CD53: variants seen among roughly 807,000 people sequenced by gnomAD.
CD53 encodes leukocyte surface antigen CD53.
In CD53, 20 loss-of-function variants were observed where a neutral mutation model predicts 27.3. That is an observed-to-expected ratio of 0.73 (90% CI 0.52 to 1.07). The LOEUF is 1.07. Ranked by LOEUF, CD53 falls within the 50% of genes least tolerant of loss-of-function variation. CD53 has a pLI of 0.00. For synonymous variants in CD53, 106 were observed against 105.3 expected (o/e 1.01, Z -0.04); for missense variants, 216 against 264.0 (o/e 0.82, Z 1.26).
At position 110,897,858 on chromosome 1, in the gene CD53, T is replaced by A. The variant is rs776931112; in HGVS notation, c.554T>A (p.Ile185Asn). Reference sequence around the variant, plus strand: ...TGGTTTCATTCCAATTTCCTGTATATCGGAATCATCACCATCTGTGTATGT... The same window carrying A: ...TGGTTTCATTCCAATTTCCTGTATAACGGAATCATCACCATCTGTGTATGT... ...RLWFHSNFLY[I>N]GIITICVCVI... is the part of the protein sequence containing the mutation. The change falls in exon 7 of 8, where the codon ATC (isoleucine) becomes AAC (asparagine). Residue 185 changes from isoleucine (I) to asparagine (N), a missense_variant. Physicochemically the swap from Ile to Asn is moderately radical, Grantham distance 149. Coordinates refer to ENST00000271324, the MANE Select transcript of CD53 (RefSeq NM_000560.4). 6.2e-7 allele frequency: 1 copy of A among 1,612,020 alleles called. No homozygotes were observed. The highest frequency in any genetic ancestry group is 1.1e-5 in the South Asian group (1 of 90,992).
At chr1:110,884,533 C>G (rs923081780) in intron 1 of CD53, among the ~76,000 whole-genome samples, 13 of 152,192 alleles carry the variant, frequency 8.5e-5, no homozygotes, top group South Asian at 2.1e-4. Flanking sequence ...TCTACTGATT[C>G]CATCAACTAT....
At chr1:110,878,022 C>A (rs1656195265) in intron 1 of CD53, among the ~76,000 whole-genome samples, 2 of 152,190 alleles carry the variant, frequency 1.3e-5, no homozygotes, top group South Asian at 4.1e-4. Flanking sequence ...GTGGAAAGAG[C>A]ATGGGCTTTG....
rs201267665 is a variant in CD53 at position 110,891,494 on chromosome 1, C to T, written c.63+23C>T. The T allele has an allele frequency of 1.5e-4, 235 of 1,585,440 alleles. 1 individual carries two copies. Among genetic ancestry groups the T allele is most frequent in the East Asian group, 9.4e-4 (42 of 44,722 alleles). On this transcript the variant is annotated intron_variant, in intron 2 of 7. Transcript: ENST00000271324. ...TGGGTAAGTGTATCTCTTCTGAGCA[C>T]GGTTTAGCTCACCTTTACCCAGCTA...
intron 1 of CD53, among the ~76,000 whole-genome samples, chr1:110,888,560 G>A (rs1345295688): frequency 1.3e-5 from 2 of 152,094 alleles, no homozygotes; most frequent in African/African-American, 4.8e-5. Flanking sequence ...TCAGGTGAGG[G>A]GGTAAATCTG....
At chr1:110,874,701 A>T (rs1465212446) in intron 1 of CD53, among the ~76,000 whole-genome samples, 1 of 152,246 alleles carries the variant, frequency 6.6e-6, no homozygotes, top group East Asian at 1.9e-4. Context: ...GTACCTTTAT[A>T]TTCATGAGGA....
Position 110,899,599 on chromosome 1 carries a change from A to T in CD53, c.*404A>T, listed in dbSNP as rs547151309. On this transcript the variant is annotated 3_prime_UTR_variant, in exon 8 of 8. Transcript: ENST00000271324. The stretch of plus-strand genomic sequence containing the variant: ...TCTCCCCAAAGTCAAGCAAGAGACT[A>T]GTTGAAGGGAGTTCTGGGGCCAGGC... 122 of 173,280 alleles carry T rather than the reference A, an allele frequency of 7.0e-4. No homozygotes were observed. The highest frequency in any genetic ancestry group is 2.9e-3 in the African/African-American group (120 of 41,774). 10.7% of individuals were successfully genotyped at this position (173,280 alleles called of 1,614,324 possible).
intron 1 of CD53, among the ~76,000 whole-genome samples, chr1:110,889,529 G>C (rs1656763997): frequency 6.6e-6 from 1 of 151,956 alleles, no homozygotes; most frequent in African/African-American, 2.4e-5. Flanking sequence ...CTGCATGCCA[G>C]CCTCGGCGAA....
chr1:110,898,968 A>T (rs1194947021), intron 7 of CD53, among the ~76,000 whole-genome samples, 156 bp from the exon 8 acceptor site: 1 of 152,204 alleles, frequency 6.6e-6, no homozygotes, highest in African/African-American at 2.4e-5. Context: ...TTCTTTAACC[A>T]AAGGAAAGAG....
chr1:110,895,840 C>T (rs1383035070), intron 5 of CD53, among the ~76,000 whole-genome samples: 1 of 152,116 alleles, frequency 6.6e-6, no homozygotes, highest in Non-Finnish European at 1.5e-5. Context: ...ATTCCCCACA[C>T]TTTTTTCGTT....
chr1:110,896,718 A>G lies in CD53; in HGVS notation c.489A>G (p.Ser163=). ...WTSGPPASCP[S]DRKVEGCYAK... ...GTGGCCCACCAGCATCTTGCCCCTC[A>G]GATCGAAAAGTGGAGGTAATTTTGT... The change falls in exon 6 of 8, where the codon TCA becomes TCG. Residue 163 remains serine, a synonymous_variant. Coordinates refer to ENST00000271324, the MANE Select transcript of CD53 (RefSeq NM_000560.4). 6.2e-7 allele frequency: 1 copy of G among 1,613,128 alleles called. No individual in the cohort carries two copies. Among genetic ancestry groups the G allele is most frequent in the South Asian group, 1.1e-5 (1 of 90,926 alleles).
At chr1:110,876,456 A>G (rs960577332) in intron 1 of CD53, among the ~76,000 whole-genome samples, 5 of 152,200 alleles carry the variant, frequency 3.3e-5, no homozygotes, top group Admixed American at 6.5e-5. Flanking sequence ...CAAACTAAAT[A>G]CTTAACATAT....
In CD53 at chr1:110,894,831, C is replaced by G. The variant is rs191455479; in HGVS notation, c.328-129C>G. ...CCCATAGATAAACACCCTCCCCTCA[C>G]CCTTAGTTCTGAGGAGACCATTTGG... On this transcript the variant is annotated intron_variant, in intron 4 of 7. Coordinates refer to ENST00000271324, the MANE Select transcript of CD53 (RefSeq NM_000560.4). 3 of 704,918 alleles carry G rather than the reference C, an allele frequency of 4.3e-6. No homozygotes were observed. The South Asian group carries it at 4.8e-5, about 11-fold the overall frequency. The allele number at this position is 704,918 out of a possible 1,614,324, so 43.7% of individuals were successfully genotyped here.
At position 110,892,347 on chromosome 1, in the gene CD53, C is replaced by T; in HGVS notation, c.66C>T (p.Ile22=). Residue 22 remains isoleucine, a splice_region_variant and synonymous_variant, in exon 3 of 8, where the codon ATC becomes ATT. Transcript: ENST00000271324. ...TGTTGTGGGATTCTTCCTTTCAGATCTGTGGCTGCTGCATTTTGGGCTTTG... is the reference window on the plus strand; with the variant it reads ...TGTTGTGGGATTCTTCCTTTCAGATTTGTGGCTGCTGCATTTTGGGCTTTG... ...VLFFFNLLFW[I]CGCCILGFGI... is the part of the protein sequence containing the mutation. 4 of 1,613,256 alleles carry T rather than the reference C, an allele frequency of 2.5e-6. No homozygotes were observed. The highest frequency in any genetic ancestry group is 3.4e-6 in the Non-Finnish European group (4 of 1,179,200).
intron 4 of CD53, 144 bp downstream of exon 4, chr1:110,894,545 A>G: frequency 1.6e-6 from 1 of 613,986 alleles, no homozygotes; most frequent in Non-Finnish European, 2.8e-6. Flanking sequence ...GAGTAATTGT[A>G]ATTGGGGGGA....
In CD53 at chr1:110,895,051, C is replaced by A; in HGVS notation, c.419C>A (p.Ser140Ter). The change falls in exon 5 of 8, where the codon TCA (serine) becomes TAA (stop). Residue 140 changes from serine to a stop codon, truncating the protein, a stop_gained. Coordinates refer to ENST00000271324, the MANE Select transcript of CD53 (RefSeq NM_000560.4). LOFTEE classifies it high-confidence loss of function. ...STKAAWDSIQ[S>*]FLQCCGINGT... Reference sequence around the variant, plus strand: ...AAGGCAGCGTGGGACTCCATCCAGTCATTTGTGAGTACAGGTGGAATCCTC... The same window carrying A: ...AAGGCAGCGTGGGACTCCATCCAGTAATTTGTGAGTACAGGTGGAATCCTC... The A allele has an allele frequency of 6.2e-7, 1 of 1,608,682 alleles. No individual in the cohort carries two copies. Among genetic ancestry groups the A allele is most frequent in the South Asian group, 1.1e-5 (1 of 90,898 alleles).
rs201904601 is a variant in CD53 at position 110,896,744 on chromosome 1, C to T, written c.504+11C>T. On this transcript the variant is annotated intron_variant, in intron 6 of 7. Transcript: ENST00000271324. ...GATCGAAAAGTGGAGGTAATTTTGTCGGCAATGTTTCTGTTATTGACCTCT... is the reference window on the plus strand; with the variant it reads ...GATCGAAAAGTGGAGGTAATTTTGTTGGCAATGTTTCTGTTATTGACCTCT... 45 of 1,608,972 alleles carry T rather than the reference C, an allele frequency of 2.8e-5. No individual in the cohort carries two copies. The African/African-American group carries it at 3.5e-4, about 12-fold the overall frequency.
chr1:110,885,634 A>C (rs1342660996), intron 1 of CD53, among the ~76,000 whole-genome samples: 1 of 152,160 alleles, frequency 6.6e-6, no homozygotes, highest in Non-Finnish European at 1.5e-5. Flanking sequence ...AGGCTGAGAC[A>C]GGCAGATCAC....
chr1:110,871,847 A>ACACC (rs769082440), upstream of CD53, among the ~76,000 whole-genome samples: 3 of 147,466 alleles, frequency 2.0e-5, no homozygotes, highest in Non-Finnish European at 3.0e-5. Flanking sequence ...ACACACACAC[A>ACACC]CCACACAGTT....
chr1:110,872,763 C>T (rs1054620080), upstream of CD53, among the ~76,000 whole-genome samples: 6 of 152,204 alleles, frequency 3.9e-5, no homozygotes, highest in African/African-American at 1.4e-4. Context: ...TTCCTGTGTT[C>T]CCCTCCAGTC....
Sources: allele counts gnomAD v4.1 joint callset (sites outside exome capture counted in the v4.1 genomes callset), GRCh38; gene constraint gnomAD v4.1.1; transcripts MANE v1.5; gene names NCBI Gene and HGNC (gene_info 2026-07-23, HGNC 2026-07-21).